Variants in COL28A1 observed in about 807,000 individuals in gnomAD.
COL28A1 encodes collagen alpha-1(XXVIII) chain.
COL28A1 carries 161 observed loss-of-function variants against 150.2 expected under a neutral mutation model. The observed-to-expected ratio is 1.07, with a 90% confidence interval of 0.94 to 1.22. The LOEUF (loss-of-function observed/expected upper bound fraction) is 1.22, where lower values mean the gene tolerates loss of function less well. COL28A1 is among the 50% of genes most tolerant of loss of function. COL28A1 has a pLI of 0.00. For synonymous variants in COL28A1, 552 were observed against 469.7 expected, an observed-to-expected ratio of 1.18 and a Z score of -2.26; for missense variants, 1,617 against 1,388.3, an observed-to-expected ratio of 1.16 and a Z score of -2.62.
At chr7:7,501,957 G>A (rs905413157) in intron 11 of COL28A1, among the ~76,000 whole-genome samples, 2 of 152,102 alleles carry the variant, frequency 1.3e-5, no homozygotes, top group Non-Finnish European at 2.9e-5. Context: ...GTGCAGTGGT[G>A]CAATCTTGGC....
Position 7,443,700 on chromosome 7 carries a change from A to T in COL28A1, c.1582-47T>A, listed in dbSNP as rs752444778. ...TGTTAGCTGACCCTCCAGTAGACAG[A>T]CTGTACGTATCATCCCACCTTGTCT... On this transcript the variant is annotated intron_variant, in intron 19 of 34. Transcript: ENST00000399429. 7 of 1,610,834 alleles carry T rather than the reference A, an allele frequency of 4.3e-6. No homozygotes were observed. The East Asian group carries it at 1.3e-4, about 31-fold the overall frequency.
chr7:7,372,395 C>T (rs945736015), intron 32 of COL28A1, among the ~76,000 whole-genome samples: 1 of 102,120 alleles, frequency 9.8e-6, no homozygotes, highest in Non-Finnish European at 2.2e-5. Flanking sequence ...GAGACTCCGT[C>T]TCAAAATAAA....
intron 27 of COL28A1, among the ~76,000 whole-genome samples, chr7:7,382,303 T>C: frequency 6.7e-6 from 1 of 150,136 alleles, no homozygotes; most frequent in Non-Finnish European, 1.5e-5. Flanking sequence ...AGAATGAAAC[T>C]CTATCTCAAA....
chr7:7,513,936 G>T (rs1361936955), intron 8 of COL28A1, among the ~76,000 whole-genome samples: 1 of 152,190 alleles, frequency 6.6e-6, no homozygotes, highest in African/African-American at 2.4e-5. Context: ...ACTTCAGAAA[G>T]CCATGAACAG....
At chr7:7,450,303 C>A (rs1355302704) in intron 18 of COL28A1, among the ~76,000 whole-genome samples, 1 of 152,062 alleles carries the variant, frequency 6.6e-6, no homozygotes, top group African/African-American at 2.4e-5. Context: ...AAAAACAAAA[C>A]ACTAAAATTT....
At position 7,396,654 on chromosome 7, in the gene COL28A1, G is replaced by C. The variant is rs183654526; in HGVS notation, c.2137-15042C>G. Among the ~76,000 whole-genome samples the C allele has an allele frequency of 4.2e-3, 634 of 152,288 alleles. 3 individuals carry two copies. The highest frequency in any genetic ancestry group is 0.014 in the African/African-American group (597 of 41,572). On this transcript the variant is annotated intron_variant, in intron 27 of 34. Transcript: ENST00000399429. Reference sequence around the variant, plus strand: ...AACAGAATCAATGAGTAAGTTACTTGTTATCAGGCAAGCCATTTGTTGAAG... The same window carrying C: ...AACAGAATCAATGAGTAAGTTACTTCTTATCAGGCAAGCCATTTGTTGAAG...
At chr7:7,408,277 A>G (rs990107964) in intron 27 of COL28A1, among the ~76,000 whole-genome samples, 1 of 152,142 alleles carries the variant, frequency 6.6e-6, no homozygotes. Flanking sequence ...TGGACTGCCA[A>G]TTTGAGCCAC....
At chr7:7,439,957 G>A (rs1437540377) in intron 21 of COL28A1, among the ~76,000 whole-genome samples, 1 of 152,186 alleles carries the variant, frequency 6.6e-6, no homozygotes, top group African/African-American at 2.4e-5. Flanking sequence ...TTTTAAAAAT[G>A]TGCTTTTTAA....
chr7:7,429,473 TG>T lies in COL28A1; in HGVS notation c.1998+2999del, dbSNP rs748310656. Among the ~76,000 whole-genome samples the T allele has an allele frequency of 8.0e-3, 852 of 106,982 alleles. 16 individuals carry two copies. Among genetic ancestry groups the T allele is most frequent in the East Asian group, 0.033 (127 of 3,878 alleles). 70.2% of individuals were successfully genotyped at this position (106,982 alleles called of 152,430 possible). ...TCTCTCTGTGCTCTGTGTGTGTGTG[TG>T]GGGGGGGGGATGGTGTGTGTGTATG... On this transcript the variant is annotated intron_variant, in intron 25 of 34. Coordinates refer to ENST00000399429, the MANE Select transcript of COL28A1 (RefSeq NM_001037763.3).
chr7:7,408,799 G>A (rs1001477438), intron 27 of COL28A1, among the ~76,000 whole-genome samples: 1 of 152,106 alleles, frequency 6.6e-6, no homozygotes, highest in Admixed American at 6.6e-5. Flanking sequence ...AGGAAAAAAA[G>A]ACCTCACTTT....
At chr7:7,417,151 G>A (rs899505961) in intron 27 of COL28A1, among the ~76,000 whole-genome samples, 1 of 152,002 alleles carries the variant, frequency 6.6e-6, no homozygotes, top group Non-Finnish European at 1.5e-5. Flanking sequence ...GTAATGTTTA[G>A]ATGCCAAATT....
intron 16 of COL28A1, among the ~76,000 whole-genome samples, chr7:7,455,609 A>T (rs919366040): frequency 2.0e-5 from 3 of 152,166 alleles, no homozygotes; most frequent in Non-Finnish European, 4.4e-5. Flanking sequence ...ATACTTTTTT[A>T]AAAAATGGAT....
intron 34 of COL28A1, 62 bp from the exon 35 acceptor site, chr7:7,358,867 A>G (rs1162044212): frequency 2.8e-5 from 38 of 1,344,520 alleles, no homozygotes; most frequent in Non-Finnish European, 3.5e-5. Flanking sequence ...TGAAAAATAA[A>G]AACTGTATAA....
intron 15 of COL28A1, among the ~76,000 whole-genome samples, chr7:7,469,534 C>T (rs1380393573): frequency 1.1e-5 from 1 of 88,920 alleles, no homozygotes; most frequent in Non-Finnish European, 2.2e-5. Context: ...GCCATACTGC[C>T]GAAGGTAATT....
chr7:7,339,734 G>A, the COL28A1 span, among the ~76,000 whole-genome samples: 1 of 152,226 alleles, frequency 6.6e-6, no homozygotes, highest in African/African-American at 2.4e-5. Context: ...TCACCATGCT[G>A]TGTTGTCCAC....
chr7:7,411,151 G>C (rs2128304049), intron 27 of COL28A1, among the ~76,000 whole-genome samples: 1 of 152,212 alleles, frequency 6.6e-6, no homozygotes, highest in Admixed American at 6.5e-5. Context: ...GGAAGCCAGA[G>C]GTAGCAAAGA....
At chr7:7,425,864 G>A (rs919772532) in intron 25 of COL28A1, among the ~76,000 whole-genome samples, 4 of 152,098 alleles carry the variant, frequency 2.6e-5, no homozygotes, top group African/African-American at 4.8e-5. Flanking sequence ...GTGGAGCAGT[G>A]ACAAGGAAAC....
downstream of COL28A1, chr7:7,356,736 C>T (rs1780372353): frequency 6.6e-6 from 1 of 151,882 alleles, no homozygotes; most frequent in Admixed American, 6.6e-5. Flanking sequence ...AGGAAATATA[C>T]CTAATGTTAA....
At position 7,357,887 on chromosome 7, in the gene COL28A1, G is replaced by T. The variant is rs1262300912; in HGVS notation, c.*746C>A. The T allele has an allele frequency of 1.3e-5, 2 of 152,098 alleles. No homozygotes were observed. Among genetic ancestry groups the T allele is most frequent in the South Asian group, 4.1e-4 (2 of 4,824 alleles). The allele number at this position is 152,098 out of a possible 1,614,324, so 9.4% of individuals were successfully genotyped here. A position where few individuals can be genotyped will look rare whatever the true frequency, so the allele number is the denominator to read the frequency against. On this transcript the variant is annotated 3_prime_UTR_variant, in exon 35 of 35. Transcript: ENST00000399429. ...TGCCAACTTCAAGTGGTTCCTGGCT[G>T]TCAAGGGCCTTCCCATTCCACTCCA...
Sources: gnomAD v4.1 joint callset for allele counts (sites outside exome capture counted in the v4.1 genomes callset) on GRCh38, gnomAD v4.1.1 for gene constraint, MANE v1.5 for transcripts, NCBI Gene and HGNC (gene_info 2026-07-23, HGNC 2026-07-21) for gene names.